PHF24: variants seen among roughly 807,000 people sequenced by gnomAD.
PHF24 encodes Galpha inhibitory interacting protein.
PHF24 carries 25 observed loss-of-function variants against 42.6 expected under a neutral mutation model. The ratio of observed to expected loss-of-function variants is 0.59; its 90% confidence interval spans 0.43 to 0.82. The LOEUF (loss-of-function observed/expected upper bound fraction) is 0.82. Ranked by LOEUF, PHF24 falls within the 40% of genes least tolerant of loss-of-function variation. PHF24 has a pLI of 0.00. For synonymous variants in PHF24, 185 were observed against 204.8 expected, an observed-to-expected ratio of 0.90 and a Z score of 0.83; for missense variants, 470 against 538.1, an observed-to-expected ratio of 0.87 and a Z score of 1.25.
At chr9:34,754,335 C>T in the PHF24 span, among the ~76,000 whole-genome samples, 1 of 152,074 alleles carries the variant, frequency 6.6e-6, no homozygotes, top group East Asian at 1.9e-4. Context: ...GGAAACAAAT[C>T]AAATAATCTG....
the PHF24 span, among the ~76,000 whole-genome samples, chr9:34,863,565 G>A: frequency 6.6e-6 from 1 of 152,254 alleles, no homozygotes; most frequent in African/African-American, 2.4e-5. Context: ...CTACAGGTCT[G>A]CAAGAAGCAC....
At chr9:34,800,211 AT>A in the PHF24 span, among the ~76,000 whole-genome samples, 1 of 152,228 alleles carries the variant, frequency 6.6e-6, no homozygotes, top group Non-Finnish European at 1.5e-5. Flanking sequence ...AGGGAGACTA[AT>A]TTTGAGTTTA....
chr9:34,744,693 G>T, the PHF24 span, among the ~76,000 whole-genome samples: 1 of 152,184 alleles, frequency 6.6e-6, no homozygotes, highest in African/African-American at 2.4e-5. Flanking sequence ...ACATATGCTG[G>T]AAATTGTGCA....
chr9:34,945,990 C>T, the PHF24 span, among the ~76,000 whole-genome samples: 1 of 152,194 alleles, frequency 6.6e-6, no homozygotes, highest in Non-Finnish European at 1.5e-5. Flanking sequence ...GCTGCAATCA[C>T]TTGTTGGCTG....
upstream of PHF24, among the ~76,000 whole-genome samples, chr9:34,955,904 A>T (rs928062704): frequency 6.6e-6 from 1 of 152,216 alleles, no homozygotes; most frequent in African/African-American, 2.4e-5. Context: ...AACGTAGTAA[A>T]AGCTGTCTCT....
chr9:34,931,347 G>A, the PHF24 span, among the ~76,000 whole-genome samples: 11 of 134,274 alleles, frequency 8.2e-5, no homozygotes, highest in African/African-American at 2.8e-4. Flanking sequence ...CTGTACTCCA[G>A]CCTGGGCAAC....
chr9:34,855,652 C>T, the PHF24 span, among the ~76,000 whole-genome samples: 1 of 152,304 alleles, frequency 6.6e-6, no homozygotes. Flanking sequence ...CCACTGTTAG[C>T]CTGGTGGACT....
the PHF24 span, among the ~76,000 whole-genome samples, chr9:34,903,761 C>G: frequency 6.6e-6 from 1 of 152,118 alleles, no homozygotes; most frequent in African/African-American, 2.4e-5. Context: ...ACTCATGACC[C>G]TTTTGGCAGT....
the PHF24 span, among the ~76,000 whole-genome samples, chr9:34,682,273 C>A: frequency 1.3e-5 from 2 of 150,270 alleles, no homozygotes; most frequent in South Asian, 2.1e-4. Context: ...AACCACTGAG[C>A]CTGGCCCATC....
the PHF24 span, among the ~76,000 whole-genome samples, chr9:34,850,394 C>A: frequency 6.6e-6 from 1 of 152,214 alleles, no homozygotes; most frequent in Non-Finnish European, 1.5e-5. Context: ...TTGGTCTCAT[C>A]GGCTTCTGAG....
chr9:34,757,148 C>A, the PHF24 span, among the ~76,000 whole-genome samples: 1 of 152,144 alleles, frequency 6.6e-6, no homozygotes, highest in Non-Finnish European at 1.5e-5. Context: ...CATGAGCCAC[C>A]CACTTCGGTC....
At chr9:34,933,276 C>T in the PHF24 span, among the ~76,000 whole-genome samples, 2 of 152,020 alleles carry the variant, frequency 1.3e-5, no homozygotes, top group Non-Finnish European at 1.5e-5. Context: ...CAAGTAGAGG[C>T]AATGAGAATA....
the PHF24 span, among the ~76,000 whole-genome samples, chr9:34,816,446 T>C: frequency 6.6e-6 from 1 of 152,212 alleles, no homozygotes; most frequent in African/African-American, 2.4e-5. Flanking sequence ...TATAACAAAA[T>C]GCCACAATCA....
the PHF24 span, among the ~76,000 whole-genome samples, chr9:34,840,563 A>G: frequency 1.4e-5 from 2 of 147,204 alleles, no homozygotes; most frequent in African/African-American, 5.1e-5. Flanking sequence ...TTCTTCTGAC[A>G]AGGTCACCCA....
intron 1 of PHF24, among the ~76,000 whole-genome samples, chr9:34,963,097 A>G (rs1826647803): frequency 6.6e-6 from 1 of 152,154 alleles, no homozygotes; most frequent in South Asian, 2.1e-4. Flanking sequence ...ATTAGTTTCT[A>G]GGCTACTGCC....
At chr9:34,927,755 C>T in the PHF24 span, among the ~76,000 whole-genome samples, 2 of 152,120 alleles carry the variant, frequency 1.3e-5, no homozygotes, top group Admixed American at 6.5e-5. Flanking sequence ...CACTCCCCCA[C>T]CACACTCCAC....
At chr9:34,899,137 G>A in the PHF24 span, among the ~76,000 whole-genome samples, 17 of 152,274 alleles carry the variant, frequency 1.1e-4, no homozygotes, top group South Asian at 2.9e-3. Flanking sequence ...CATTTCTCAC[G>A]ATGTGGGCAT....
the PHF24 span, among the ~76,000 whole-genome samples, chr9:34,847,670 T>A: frequency 6.6e-6 from 1 of 151,902 alleles, no homozygotes; most frequent in Admixed American, 6.6e-5. Flanking sequence ...GGCATCCCTG[T>A]CTTGTGCCAG....
At chr9:34,735,635 C>T in the PHF24 span, among the ~76,000 whole-genome samples, 1 of 151,008 alleles carries the variant, frequency 6.6e-6, no homozygotes, top group Non-Finnish European at 1.5e-5. Context: ...CCTGTCTCTA[C>T]CAAAAATACA....
Sources: allele counts gnomAD v4.1 joint callset (sites outside exome capture counted in the v4.1 genomes callset), GRCh38; gene constraint gnomAD v4.1.1; transcripts MANE v1.5; gene names NCBI Gene and HGNC (gene_info 2026-07-23, HGNC 2026-07-21).